The following CECR2 variants were observed in gnomAD, a reference collection of about 807,000 sequenced individuals.
CECR2 encodes the protein CECR2 histone acetyl-lysine reader.
In CECR2, 30 loss-of-function variants were observed where a neutral mutation model predicts 154.5. That is an observed-to-expected ratio of 0.19 (90% CI 0.15 to 0.26). The LOEUF is 0.26. Among genes scored for constraint, CECR2 ranks in the 10% least tolerant of loss-of-function variants. The probability of loss-of-function intolerance (pLI) is 1.00; values close to 1 mark genes in which losing one functional copy is unlikely to be tolerated. For missense variants in CECR2, 1,743 were observed against 1,829.3 expected, an observed-to-expected ratio of 0.95 and a Z score of 0.86; for synonymous variants, 725 against 683.7, an observed-to-expected ratio of 1.06 and a Z score of -0.94.
chr22:17,454,675 G>C (rs1485204050), intron 1 of CECR2, among the ~76,000 whole-genome samples: 1 of 151,468 alleles, frequency 6.6e-6, no homozygotes, highest in African/African-American at 2.4e-5. Flanking sequence ...TGTTGCCCTT[G>C]ATGAGCCTGT....
chr22:17,524,314 C>T (rs1173667163), intron 9 of CECR2, 43 bp downstream of exon 9: 18 of 1,592,722 alleles, frequency 1.1e-5, no homozygotes, highest in East Asian at 2.3e-5. Context: ...GCATGTCTGT[C>T]GACCAGCCGT....
intron 7 of CECR2, among the ~76,000 whole-genome samples, chr22:17,506,676 CAG>C (rs1341633672): frequency 6.6e-6 from 1 of 152,120 alleles, no homozygotes; most frequent in East Asian, 1.9e-4. Flanking sequence ...TGTTTTGAGA[CAG>C]AGACTCGCTC....
intron 1 of CECR2, among the ~76,000 whole-genome samples, chr22:17,390,014 G>A (rs1404636577): frequency 6.6e-6 from 1 of 152,068 alleles, no homozygotes; most frequent in African/African-American, 2.4e-5. Flanking sequence ...TATATCAAAT[G>A]TTGCCAATTG....
rs138725217 is a variant in CECR2, at chr22:17,510,132, G to A, written c.871-1681G>A. On this transcript the variant is annotated intron_variant, in intron 7 of 18. Transcript: ENST00000262608. ...TACAGATGCGGCGATGGGAAAGTGC[G>A]TAGGGAAACATTCACGTTCTGTATC... is the stretch of plus-strand genomic sequence containing the variant. Among the ~76,000 whole-genome samples, 334 of 152,290 alleles carry A rather than the reference G, an allele frequency of 2.2e-3. 2 individuals carry two copies. Among genetic ancestry groups the A allele is most frequent in the African/African-American group, 7.5e-3 (310 of 41,564 alleles).
intron 2 of CECR2, among the ~76,000 whole-genome samples, 152 bp from the exon 3 acceptor site, chr22:17,497,251 C>G (rs1395393289): frequency 6.6e-6 from 1 of 152,180 alleles, no homozygotes; most frequent in Non-Finnish European, 1.5e-5. Context: ...GATCTTGCCA[C>G]TGTGCTCTAG....
At chr22:17,500,541 G>A in intron 4 of CECR2, 90 bp from the exon 5 acceptor site, 2 of 930,172 alleles carry the variant, frequency 2.2e-6, no homozygotes, top group Non-Finnish European at 3.2e-6. Context: ...ATCCTTTTTG[G>A]TAATCTCATG....
intron 1 of CECR2, among the ~76,000 whole-genome samples, chr22:17,375,653 A>G (rs2063110217): frequency 6.6e-6 from 1 of 152,044 alleles, no homozygotes; most frequent in Non-Finnish European, 1.5e-5. Flanking sequence ...TGAGTGATTT[A>G]AAGTGATTTT....
At chr22:17,514,802 G>C (rs1276484467) in intron 8 of CECR2, among the ~76,000 whole-genome samples, 1 of 152,154 alleles carries the variant, frequency 6.6e-6, no homozygotes, top group African/African-American at 2.4e-5. Context: ...GGGAGGCCGA[G>C]TTGGGCAGAT....
At chr22:17,415,396 C>T (rs971785839) in intron 1 of CECR2, among the ~76,000 whole-genome samples, 6 of 152,104 alleles carry the variant, frequency 3.9e-5, no homozygotes, top group Non-Finnish European at 7.4e-5. Flanking sequence ...GGCGCGCCAC[C>T]GTGCCTGGCT....
chr22:17,364,923 AC>A (rs928430206), upstream of CECR2, among the ~76,000 whole-genome samples: 5 of 152,098 alleles, frequency 3.3e-5, no homozygotes, highest in African/African-American at 1.2e-4. Flanking sequence ...AACTGGCTGA[AC>A]AGTTAGATTT....
chr22:17,487,835 G>A lies in CECR2; in HGVS notation c.222-9568G>A, dbSNP rs147128620. ...TGTCCTGTGGCTTACACTCTTAAAC[G>A]GTAATTCATCAACATTGTATATTCA... On this transcript the variant is annotated intron_variant, in intron 2 of 18. Coordinates refer to ENST00000262608, the MANE Select transcript of CECR2 (RefSeq NM_001290047.2). 3.1e-4 allele frequency among the ~76,000 whole-genome samples: 47 copies of A among 151,958 alleles called. No individual in the cohort carries two copies. In the East Asian group the frequency reaches 4.1e-3, roughly 13 times the overall value.
intron 1 of CECR2, among the ~76,000 whole-genome samples, chr22:17,458,508 G>A (rs1475044807): frequency 6.7e-6 from 1 of 150,194 alleles, no homozygotes; most frequent in East Asian, 1.9e-4. Context: ...TGGTGCCATT[G>A]TGAGTTTTTT....
At chr22:17,438,584 A>G (rs1234703485) in intron 1 of CECR2, among the ~76,000 whole-genome samples, 2 of 152,048 alleles carry the variant, frequency 1.3e-5, no homozygotes, top group African/African-American at 4.8e-5. Context: ...AATGAGGCCA[A>G]CACAAATTCG....
intron 1 of CECR2, among the ~76,000 whole-genome samples, chr22:17,440,615 T>A (rs1252952797): frequency 6.6e-6 from 1 of 152,178 alleles, no homozygotes; most frequent in African/African-American, 2.4e-5. Flanking sequence ...TTTTATTGAT[T>A]TATTGATCTG....
intron 1 of CECR2, among the ~76,000 whole-genome samples, chr22:17,382,175 C>T (rs911966739): frequency 3.3e-5 from 5 of 151,838 alleles, no homozygotes; most frequent in East Asian, 1.9e-4. Flanking sequence ...CAGGCGTGAG[C>T]CACTGTGCCC....
Position 17,552,043 on chromosome 22 carries a change from C to T in CECR2, c.4290C>T (p.His1430=). Reference sequence around the variant, plus strand: ...CTCGTGGCTGTAGAATGCAGATGCACCCGGTCCAGTCGCAGGCCTCGTTCC... The same window carrying T: ...CTCGTGGCTGTAGAATGCAGATGCATCCGGTCCAGTCGCAGGCCTCGTTCC... ...EMYRPSGMQM[H]PVQSQASFPK... Residue 1430 remains histidine, a synonymous_variant, in exon 18 of 19, where the codon CAC becomes CAT. Transcript: ENST00000262608. 6.2e-7 allele frequency: 1 copy of T among 1,613,928 alleles called. No individual in the cohort carries two copies. Among genetic ancestry groups the T allele is most frequent in the African/African-American group, 1.3e-5 (1 of 75,016 alleles).
chr22:17,405,483 A>AT (rs2053969017), intron 1 of CECR2, among the ~76,000 whole-genome samples: 6 of 147,532 alleles, frequency 4.1e-5, no homozygotes, highest in Admixed American at 3.4e-4. Flanking sequence ...AATATAAAAT[A>AT]AAATAAATTA....
At position 17,552,120 on chromosome 22, in the gene CECR2, C is replaced by T; in HGVS notation, c.4367C>T (p.Pro1456Leu). ...TSQEEVPPHKPPTLPLDQS is the reference protein window; with the variant it reads ...TSQEEVPPHKLPTLPLDQS ...CAGGAGGAGGTGCCGCCTCATAAGC[C>T]TCCAACACTTCCCCTGGATCAGGTA... Residue 1456 changes from proline (P) to leucine (L), a missense_variant, in exon 18 of 19, where the codon CCT (proline) becomes CTT (leucine). By Grantham distance (98) the Pro-to-Leu change is moderately conservative (BLOSUM62 -3). Transcript: ENST00000262608. 1 of 1,613,944 alleles carries T rather than the reference C, an allele frequency of 6.2e-7. No individual in the cohort carries two copies.
At chr22:17,537,479 T>C (rs556561683) in intron 10 of CECR2, among the ~76,000 whole-genome samples, 1 of 152,298 alleles carries the variant, frequency 6.6e-6, no homozygotes, top group South Asian at 2.1e-4. Context: ...TTTAATGAAA[T>C]CAGAATCTGA....
Sources: gnomAD v4.1 joint callset for allele counts (sites outside exome capture counted in the v4.1 genomes callset) on GRCh38, gnomAD v4.1.1 for gene constraint, MANE v1.5 for transcripts, NCBI Gene and HGNC (gene_info 2026-07-23, HGNC 2026-07-21) for gene names.